The following CD320 variants were observed in gnomAD, a reference collection of about 807,000 sequenced individuals.
CD320 encodes CD320 molecule.
CD320 carries 16 observed loss-of-function variants against 22.1 expected under a neutral mutation model. The ratio of observed to expected loss-of-function variants is 0.73; its 90% confidence interval spans 0.49 to 1.10. The LOEUF is 1.10. CD320 is among the 50% of genes least tolerant of loss of function. The probability of loss-of-function intolerance (pLI) is 0.00; values close to 1 mark genes in which losing one functional copy is unlikely to be tolerated. For synonymous variants in CD320, 188 were observed against 167.8 expected (o/e 1.12, Z -0.93); for missense variants, 388 against 376.9 (o/e 1.03, Z -0.24).
At chr19:8,303,119 T>A in intron 3 of CD320, 139 bp from the exon 4 acceptor site, 1 of 590,524 alleles carries the variant, frequency 1.7e-6, no homozygotes, top group Non-Finnish European at 2.9e-6. Context: ...TATGTCTTTT[T>A]TTTTTTTTTT....
In CD320 at chr19:8,308,336, C is replaced by T. The variant is rs2232771; in HGVS notation, c.-46G>A. ...GGCCACGCGCTGTCCAGACCGCTCT[C>T]TTATCCCTGCGCACGCGCACGCGCG... On this transcript the variant is annotated 5_prime_UTR_variant, in exon 1 of 5. Transcript: ENST00000301458. 8.8e-4 allele frequency: 1,382 copies of T among 1,568,850 alleles called. 10 individuals carry two copies. The African/African-American group carries it at 0.017, about 20-fold the overall frequency.
chr19:8,302,381 C>G lies in CD320; in HGVS notation c.*82G>C, dbSNP rs529314398. On this transcript the variant is annotated 3_prime_UTR_variant, in exon 5 of 5. Coordinates refer to ENST00000301458, the MANE Select transcript of CD320 (RefSeq NM_016579.4). ...GCTCAGGTCTCTGAGGGCTGGTGTG[C>G]CCGGGTACCCATCCGCATCACTGCT... 51 of 1,560,340 alleles carry G rather than the reference C, an allele frequency of 3.3e-5. No individual in the cohort carries two copies. The South Asian group carries it at 5.5e-4, about 17-fold the overall frequency.
intron 1 of CD320, among the ~76,000 whole-genome samples, chr19:8,306,647 G>A (rs937385567): frequency 1.2e-4 from 19 of 152,240 alleles, no homozygotes; most frequent in Non-Finnish European, 2.6e-4. Flanking sequence ...GCCCCTCCTC[G>A]GCCTTCAGGC....
chr19:8,307,629 C>G (rs1213295795), intron 1 of CD320, among the ~76,000 whole-genome samples: 1 of 152,116 alleles, frequency 6.6e-6, no homozygotes, highest in East Asian at 1.9e-4. Context: ...CCAGTCTCTG[C>G]GAGAGCCTGC....
At chr19:8,304,186 GCTGAGCCC>G in intron 2 of CD320, 98 bp from the exon 3 acceptor site, 2 of 667,858 alleles carry the variant, frequency 3.0e-6, no homozygotes, top group Admixed American at 5.2e-5. Context: ...TCTAAGAACA[GCTGAGCCC>G]AAAAAAATGC....
chr19:8,305,791 T>G lies in CD320; in HGVS notation c.143-635A>C, dbSNP rs553140808. ...GATCCCAGAGTCTTCACCAGGCTCC[T>G]CATAGCGAGATGATCTGCCAGGGAG... On this transcript the variant is annotated intron_variant, in intron 1 of 4. Transcript: ENST00000301458. 5.4e-3 allele frequency: 823 copies of G among 153,084 alleles called. 8 individuals carry two copies. Among genetic ancestry groups the G allele is most frequent in the Non-Finnish European group, 6.3e-3 (434 of 68,626 alleles). The allele number at this position is 153,084 out of a possible 1,614,324, so 9.5% of individuals were successfully genotyped here.
rs538142552 is a variant in CD320 at position 8,303,969 on chromosome 19, G to C, written c.388C>G (p.Leu130Val). Residue 130 changes from leucine to valine, a missense_variant, in exon 3 of 5, where the codon CTG becomes GTG. By Grantham distance (32) the Leu-to-Val change is conservative. Transcript: ENST00000301458. ...TDKKLRNCSR[L>V]ACLAGELRCT... ...CGGAGCTCGCCTGCTAGGCAGGCCA[G>C]GCGGCTGCAGTTGCGCAGTTTCTTG... The C allele has an allele frequency of 1.3e-6, 2 of 1,582,484 alleles. No individual in the cohort carries two copies. The highest frequency in any genetic ancestry group is 1.3e-5 in the African/African-American group (1 of 74,330).
intron 2 of CD320, 71 bp downstream of exon 2, chr19:8,304,960 T>A: frequency 6.4e-7 from 1 of 1,568,624 alleles, no homozygotes; most frequent in Non-Finnish European, 8.7e-7. Flanking sequence ...CACCTCCGCG[T>A]GCCTGGCCCC....
rs747385964 is a variant in CD320 at position 8,303,825 on chromosome 19, C to A, written c.502+30G>T. 6 of 1,464,388 alleles carry A rather than the reference C, an allele frequency of 4.1e-6. No homozygotes were observed. In the South Asian group the frequency reaches 6.0e-5, roughly 15 times the overall value. The allele number at this position is 1,464,388 out of a possible 1,614,324, so 90.7% of individuals were successfully genotyped here. On this transcript the variant is annotated intron_variant, in intron 3 of 4. Coordinates refer to ENST00000301458, the MANE Select transcript of CD320 (RefSeq NM_016579.4). ...GGCAGTGGGTGTCCCCATCTACCCACGAGTCCACCCCAGCCCCGCAGGTGC... is the reference window on the plus strand; with the variant it reads ...GGCAGTGGGTGTCCCCATCTACCCAAGAGTCCACCCCAGCCCCGCAGGTGC...
chr19:8,304,999 T>C (rs2145378164), intron 2 of CD320, 32 bp downstream of exon 2: 1 of 1,599,350 alleles, frequency 6.3e-7, no homozygotes, highest in African/African-American at 1.3e-5. Flanking sequence ...CCCCGCCCCC[T>C]GTAAGCCCCG....
At chr19:8,304,770 T>C in intron 2 of CD320, 3 of 471,380 alleles carry the variant, frequency 6.4e-6, no homozygotes, top group Non-Finnish European at 1.2e-5. Context: ...CAATCCTAGC[T>C]CACTGCAGCG....
intron 1 of CD320, 96 bp from the exon 2 acceptor site, chr19:8,305,252 G>T: frequency 6.9e-7 from 1 of 1,448,148 alleles, no homozygotes; most frequent in Admixed American, 2.0e-5. Flanking sequence ...GGAGACAGGC[G>T]AAGTCCCGGG....
chr19:8,306,927 G>A (rs1037459857), intron 1 of CD320, among the ~76,000 whole-genome samples: 1 of 152,240 alleles, frequency 6.6e-6, no homozygotes, highest in African/African-American at 2.4e-5. Flanking sequence ...ACAGTGACCA[G>A]TGACTTTCTC....
chr19:8,304,939 C>T, intron 2 of CD320, 92 bp downstream of exon 2: 1 of 1,490,550 alleles, frequency 6.7e-7, no homozygotes, highest in Admixed American at 1.7e-5. Context: ...CCCTGCCTTT[C>T]CCACAAGCTC....
At chr19:8,307,414 G>C (rs1970107444) in intron 1 of CD320, among the ~76,000 whole-genome samples, 1 of 152,042 alleles carries the variant, frequency 6.6e-6, no homozygotes, top group African/African-American at 2.4e-5. Flanking sequence ...CAGGGACCTA[G>C]AAGTGCGGAA....
At chr19:8,304,167 GC>G in intron 2 of CD320, 79 bp from the exon 3 acceptor site, 1 of 754,494 alleles carries the variant, frequency 1.3e-6, no homozygotes, top group Non-Finnish European at 2.3e-6. Context: ...TCCCCTGCAA[GC>G]CCCACCCTCT....
At chr19:8,303,377 A>G (rs1052149506) in intron 3 of CD320, among the ~76,000 whole-genome samples, 6 of 152,078 alleles carry the variant, frequency 3.9e-5, no homozygotes, top group Non-Finnish European at 2.9e-5. Flanking sequence ...TCGGCCTCCC[A>G]AAGTGCTAGG....
At chr19:8,304,373 C>T (rs1169532919) in intron 2 of CD320, among the ~76,000 whole-genome samples, 1 of 152,184 alleles carries the variant, frequency 6.6e-6, no homozygotes, top group Non-Finnish European at 1.5e-5. Context: ...GACGGGGTCT[C>T]CCTTTGCTGC....
At position 8,302,385 on chromosome 19, in the gene CD320, G is replaced by A. The variant is rs1177587207; in HGVS notation, c.*78C>T. 4.5e-6 allele frequency: 7 copies of A among 1,571,354 alleles called. No homozygotes were observed. Among genetic ancestry groups the A allele is most frequent in the Non-Finnish European group, 6.1e-6 (7 of 1,143,678 alleles). ...AGGTCTCTGAGGGCTGGTGTGCCCG[G>A]GTACCCATCCGCATCACTGCTCTCC... On this transcript the variant is annotated 3_prime_UTR_variant, in exon 5 of 5. Transcript: ENST00000301458.
Sources: gnomAD v4.1 joint callset for allele counts (sites outside exome capture counted in the v4.1 genomes callset) on GRCh38, gnomAD v4.1.1 for gene constraint, MANE v1.5 for transcripts, NCBI Gene and HGNC (gene_info 2026-07-23, HGNC 2026-07-21) for gene names.